Variants in ZSCAN2 observed in about 807,000 individuals in gnomAD.
ZSCAN2 encodes the protein zinc finger and SCAN domain-containing protein 2.
ZSCAN2 carries 26 observed loss-of-function variants against 47.8 expected under a neutral mutation model. The observed-to-expected ratio is 0.54, with a 90% CI of 0.40 to 0.75. The LOEUF is 0.75. Among genes scored for constraint, ZSCAN2 ranks in the 30% least tolerant of loss-of-function variants. ZSCAN2 has a pLI of 0.00. For missense variants in ZSCAN2, 732 were observed against 785.4 expected, an observed-to-expected ratio of 0.93 and a Z score of 0.81; for synonymous variants, 305 against 288.7, an observed-to-expected ratio of 1.06 and a Z score of -0.57.
In ZSCAN2 at chr15:84,620,815, G is replaced by C; in HGVS notation, c.620G>C (p.Gly207Ala). 3 of 1,614,208 alleles carry C rather than the reference G, an allele frequency of 1.9e-6. No homozygotes were observed. Among genetic ancestry groups the C allele is most frequent in the East Asian group, 4.5e-5 (2 of 44,888 alleles). ...GEVVSQDREV[G>A]QLIGLQGTYL... The stretch of plus-strand genomic sequence containing the variant: ...GTGGTTTCTCAGGACAGGGAAGTTG[G>C]CCAGCTCATAGGCCTGCAGGGCACC... Residue 207 changes from glycine (G) to alanine (A), a missense_variant, in exon 3 of 3, where the codon GGC becomes GCC. Transcript: ENST00000546148.
intron 2 of ZSCAN2, among the ~76,000 whole-genome samples, chr15:84,619,685 TAAAA>T (rs1447272859): frequency 2.6e-5 from 4 of 152,120 alleles, no homozygotes; most frequent in Non-Finnish European, 5.9e-5. Context: ...ATGGTACCAA[TAAAA>T]AAACTCATTC....
At chr15:84,614,581 T>C (rs1895644249) in intron 2 of ZSCAN2, 1 of 152,228 alleles carries the variant, frequency 6.6e-6, no homozygotes, top group Admixed American at 6.5e-5. Context: ...TGTTCAAAGC[T>C]GTTTGCCTAT....
At chr15:84,618,246 C>CA (rs1895739466) in intron 2 of ZSCAN2, among the ~76,000 whole-genome samples, 1 of 151,986 alleles carries the variant, frequency 6.6e-6, no homozygotes, top group African/African-American at 2.4e-5. Flanking sequence ...AGTGAAACCC[C>CA]ATCTCTACTA....
intron 2 of ZSCAN2, chr15:84,606,831 T>C (rs1207396931): frequency 4.0e-6 from 5 of 1,241,474 alleles, no homozygotes; most frequent in Non-Finnish European, 5.0e-6. Flanking sequence ...GACTTCTGCC[T>C]CTGAGATTGT....
Position 84,622,372 on chromosome 15 carries a change from A to C in ZSCAN2, c.*332A>C. 1 of 578,064 alleles carries C rather than the reference A, an allele frequency of 1.7e-6. No individual in the cohort carries two copies. The highest frequency in any genetic ancestry group is 2.9e-5 in the East Asian group (1 of 33,902). The allele number at this position is 578,064 out of a possible 1,614,324, so 35.8% of individuals were successfully genotyped here. A position where few individuals can be genotyped will look rare whatever the true frequency, so the allele number is the denominator to read the frequency against. ...TGGGGGGAAATGTTTCTCCATGTGG[A>C]ATGGAAGACAGCATGGCCCACAACG... On this transcript the variant is annotated 3_prime_UTR_variant, in exon 3 of 3. Coordinates refer to ENST00000546148, the MANE Select transcript of ZSCAN2 (RefSeq NM_181877.4).
At chr15:84,619,422 TC>T (rs2141796783) in intron 2 of ZSCAN2, among the ~76,000 whole-genome samples, 1 of 146,568 alleles carries the variant, frequency 6.8e-6, no homozygotes, top group South Asian at 2.2e-4. Context: ...ACAGCGAGAC[TC>T]CGTCTCAAAA....
chr15:84,622,872 C>T lies in ZSCAN2; in HGVS notation c.*832C>T, dbSNP rs1051814280. On this transcript the variant is annotated 3_prime_UTR_variant, in exon 3 of 3. Coordinates refer to ENST00000546148, the MANE Select transcript of ZSCAN2 (RefSeq NM_181877.4). ...GGAGAGTGTAGTGAAGTCCGAGAGC[C>T]CTAGCTGCCAACCCATGGTGGATGG... 3 of 587,758 alleles carry T rather than the reference C, an allele frequency of 5.1e-6. No individual in the cohort carries two copies. The highest frequency in any genetic ancestry group is 2.9e-5 in the East Asian group (1 of 34,332). The allele number at this position is 587,758 out of a possible 1,614,324, so 36.4% of individuals were successfully genotyped here. A position where few individuals can be genotyped will look rare whatever the true frequency, so the allele number is the denominator to read the frequency against.
Position 84,622,352 on chromosome 15 carries a change from G to A in ZSCAN2, c.*312G>A, listed in dbSNP as rs958507063. 1 of 575,554 alleles carries A rather than the reference G, an allele frequency of 1.7e-6. No homozygotes were observed. The highest frequency in any genetic ancestry group is 1.9e-5 in the African/African-American group (1 of 52,812). 35.7% of individuals were successfully genotyped at this position (575,554 alleles called of 1,614,324 possible). A position where few individuals can be genotyped will look rare whatever the true frequency, so the allele number is the denominator to read the frequency against. ...CAGTTTCCTCTTTGGTAAAATGGGG[G>A]GAAATGTTTCTCCATGTGGAATGGA... On this transcript the variant is annotated 3_prime_UTR_variant, in exon 3 of 3. Coordinates refer to ENST00000546148, the MANE Select transcript of ZSCAN2 (RefSeq NM_181877.4).
At chr15:84,614,497 T>C (rs541026328) in intron 2 of ZSCAN2, 3 of 152,340 alleles carry the variant, frequency 2.0e-5, no homozygotes, top group South Asian at 4.1e-4. Flanking sequence ...CCAGTTGCCA[T>C]GGTAGTTTTA....
Position 84,622,141 on chromosome 15 carries a change from G to A in ZSCAN2, c.*101G>A, listed in dbSNP as rs1895831982. The A allele has an allele frequency of 1.8e-6, 2 of 1,129,600 alleles. No homozygotes were observed. Among genetic ancestry groups the A allele is most frequent in the African/African-American group, 1.6e-5 (1 of 64,176 alleles). The allele number at this position is 1,129,600 out of a possible 1,614,324, so 70.0% of individuals were successfully genotyped here. ...AAGAGCTGTGCTTCCTAAACATTCT[G>A]GGGGGTTTTGCCAGAGTCTTCCCCT... On this transcript the variant is annotated 3_prime_UTR_variant, in exon 3 of 3. Transcript: ENST00000546148.
At position 84,621,123 on chromosome 15, in the gene ZSCAN2, G is replaced by C; in HGVS notation, c.928G>C (p.Glu310Gln). The change falls in exon 3 of 3, where the codon GAG (glutamate) becomes CAG (glutamine). Residue 310 changes from glutamate to glutamine, a missense_variant. Glu to Gln is a conservative substitution (Grantham distance 29). Around this residue, in one of 2 missense-constraint regions of ZSCAN2, gnomAD observed 412 missense variants for 498.0 expected, o/e 0.83. Transcript: ENST00000546148. The surrounding 1 kb of genome is among the most constrained non-coding windows in gnomAD (Gnocchi z 5.7). Reference sequence around the variant, plus strand: ...GGGGGAAAAGCCCTTCCAGTGTGCCGAGTGTGGCAAGAGCTTCAGCAGGAG... The same window carrying C: ...GGGGGAAAAGCCCTTCCAGTGTGCCCAGTGTGGCAAGAGCTTCAGCAGGAG... Reference protein sequence around the residue: ...HTGEKPFQCAECGKSFSRSPN... With the variant: ...HTGEKPFQCAQCGKSFSRSPN... 1 of 1,613,820 alleles carries C rather than the reference G, an allele frequency of 6.2e-7. No homozygotes were observed. Among genetic ancestry groups the C allele is most frequent in the Non-Finnish European group, 8.5e-7 (1 of 1,179,940 alleles).
chr15:84,606,593 A>G (rs1895388951), intron 2 of ZSCAN2: 1 of 1,613,984 alleles, frequency 6.2e-7, no homozygotes, highest in African/African-American at 1.3e-5. Context: ...CTGGATCTCC[A>G]GTCAGATACT....
chr15:84,605,276 A>G (rs529419268), intron 2 of ZSCAN2, among the ~76,000 whole-genome samples: 7 of 152,274 alleles, frequency 4.6e-5, no homozygotes, highest in Non-Finnish European at 8.8e-5. Flanking sequence ...TTGATGACCA[A>G]ATGTTTACTT....
In ZSCAN2 at chr15:84,603,807, T is replaced by C; in HGVS notation, c.-108-13T>C. On this transcript the variant is annotated splice_polypyrimidine_tract_variant and intron_variant, in intron 1 of 2. Coordinates refer to ENST00000546148, the MANE Select transcript of ZSCAN2 (RefSeq NM_181877.4). ...TCTACCTATGGATTATGGTTCTCTT[T>C]TTTGTTTCTCAGCGGGACTACTTGT... 1 of 1,230,026 alleles carries C rather than the reference T, an allele frequency of 8.1e-7. No individual in the cohort carries two copies. 76.2% of individuals were successfully genotyped at this position (1,230,026 alleles called of 1,614,324 possible). A position where few individuals can be genotyped will look rare whatever the true frequency, so the allele number is the denominator to read the frequency against.
intron 2 of ZSCAN2, chr15:84,606,335 T>C (rs191779179): frequency 3.6e-6 from 2 of 562,148 alleles, no homozygotes; most frequent in Non-Finnish European, 3.2e-6. Flanking sequence ...ATTTCACAGA[T>C]AGGAAATATA....
chr15:84,616,390 C>A, intron 2 of ZSCAN2: 2 of 1,607,714 alleles, frequency 1.2e-6, no homozygotes, highest in Non-Finnish European at 1.7e-6. Flanking sequence ...CCAAAGAAGC[C>A]AGCCCTGCTT....
At chr15:84,616,575 C>G (rs1037867660) in intron 2 of ZSCAN2, 3 of 1,259,006 alleles carry the variant, frequency 2.4e-6, no homozygotes, top group Non-Finnish European at 3.0e-6. Flanking sequence ...ATTTTATCTT[C>G]TGATCTCACT....
rs758302446 is a variant in ZSCAN2, at chr15:84,621,451, A to G, written c.1256A>G (p.Gln419Arg). The change falls in exon 3 of 3, where the codon CAG becomes CGG. Residue 419 changes from glutamine (Q) to arginine (R), a missense_variant. By Grantham distance (43) the Gln-to-Arg change is conservative (BLOSUM62 1). Transcript: ENST00000546148. The surrounding 1 kb of genome is among the most constrained non-coding windows in gnomAD (Gnocchi z 5.7). ...RRTHTGEKPY[Q>R]CSECGKSFSR... ...ACCCACACAGGAGAGAAACCCTACC[A>G]GTGCAGCGAGTGTGGGAAAAGCTTC... 6.2e-7 allele frequency: 1 copy of G among 1,614,120 alleles called. No individual in the cohort carries two copies. Among genetic ancestry groups the G allele is most frequent in the Non-Finnish European group, 8.5e-7 (1 of 1,180,010 alleles).
intron 2 of ZSCAN2, among the ~76,000 whole-genome samples, chr15:84,615,660 A>G (rs1375727236): frequency 6.6e-6 from 1 of 151,898 alleles, no homozygotes; most frequent in East Asian, 1.9e-4. Flanking sequence ...CTTTTAACCT[A>G]TTCCTTTGTT....
Sources: allele counts gnomAD v4.1 joint callset (sites outside exome capture counted in the v4.1 genomes callset), GRCh38; gene constraint gnomAD v4.1.1; regional missense constraint gnomAD v4.1.1; non-coding constraint Gnocchi (gnomAD v3.1); transcripts MANE v1.5; gene names NCBI Gene and HGNC (gene_info 2026-07-23, HGNC 2026-07-21).